Variants in CDH13 observed in about 807,000 individuals in gnomAD.
CDH13 encodes the protein cadherin-13.
CDH13 carries 24 observed loss-of-function variants against 63.8 expected under a neutral mutation model. The ratio of observed to expected loss-of-function variants is 0.38; its 90% confidence interval spans 0.27 to 0.53. The LOEUF is 0.53. Ranked by LOEUF, CDH13 falls within the 20% of genes least tolerant of loss-of-function variation. The pLI, the probability that CDH13 is intolerant of heterozygous loss-of-function variation, is 0.85. For missense variants in CDH13, 1,049 were observed against 903.1 expected, an observed-to-expected ratio of 1.16 and a Z score of -2.07; for synonymous variants, 503 against 355.3, an observed-to-expected ratio of 1.42 and a Z score of -4.67.
At chr16:83,472,829 C>G (rs1197860720) in intron 6 of CDH13, among the ~76,000 whole-genome samples, 2 of 152,172 alleles carry the variant, frequency 1.3e-5, no homozygotes, top group African/African-American at 2.4e-5. Context: ...GTGGCTGGCC[C>G]TGTTTCATTC....
chr16:83,383,455 A>G (rs2091610914), intron 6 of CDH13, among the ~76,000 whole-genome samples: 1 of 152,176 alleles, frequency 6.6e-6, no homozygotes, highest in Non-Finnish European at 1.5e-5. Context: ...CTCACCTGCC[A>G]GTTCTTAGCT....
chr16:83,737,801 A>C (rs938887180), intron 10 of CDH13, among the ~76,000 whole-genome samples: 1 of 152,222 alleles, frequency 6.6e-6, no homozygotes, highest in Non-Finnish European at 1.5e-5. Context: ...GGCTATTCAC[A>C]AGGCAAACAA....
intron 4 of CDH13, among the ~76,000 whole-genome samples, chr16:83,211,932 GA>G (rs1388946621): frequency 1.3e-5 from 2 of 152,124 alleles, no homozygotes. Flanking sequence ...ATCCCACTGT[GA>G]AAAGAAGTGT....
chr16:82,878,898 C>T (rs1043905298), intron 2 of CDH13, among the ~76,000 whole-genome samples: 4 of 152,090 alleles, frequency 2.6e-5, no homozygotes, highest in African/African-American at 7.2e-5. Context: ...AGGCAGCAGG[C>T]AGGCTTTTCA....
chr16:82,877,960 CAT>C (rs72497565), intron 2 of CDH13, among the ~76,000 whole-genome samples: 16 of 91,202 alleles, frequency 1.8e-4, no homozygotes, highest in Admixed American at 5.0e-4. Flanking sequence ...CACACACACA[CAT>C]ATACACACAC....
chr16:82,870,810 C>G (rs759928003), intron 2 of CDH13, among the ~76,000 whole-genome samples: 1 of 152,170 alleles, frequency 6.6e-6, no homozygotes. Flanking sequence ...AAATATTAAT[C>G]TATGTAAAGG....
In CDH13 at chr16:83,723,146, A is replaced by G. The variant is rs370399003; in HGVS notation, c.1539-24962A>G. On this transcript the variant is annotated intron_variant, in intron 10 of 13. Coordinates refer to ENST00000567109, the MANE Select transcript of CDH13 (RefSeq NM_001257.5). ...GATCAATCTTCCTGCCTGTCTTAGG[A>G]TGCTGATGTGAGAAGCACGATGACT... Among the ~76,000 whole-genome samples the G allele has an allele frequency of 2.4e-4, 37 of 152,376 alleles. No homozygotes were observed. In the South Asian group the frequency reaches 7.0e-3, roughly 29 times the overall value.
At position 82,801,212 on chromosome 16, in the gene CDH13, C is replaced by G. The variant is rs115519726; in HGVS notation, c.46-57150C>G. On this transcript the variant is annotated intron_variant, in intron 1 of 13. Transcript: ENST00000567109. ...GCCTTAGAAGGATGGCCACCAACACCTATGAGATTTACTCCTGAATCATTT... is the reference window on the plus strand; with the variant it reads ...GCCTTAGAAGGATGGCCACCAACACGTATGAGATTTACTCCTGAATCATTT... Among the ~76,000 whole-genome samples the G allele has an allele frequency of 4.6e-3, 697 of 152,312 alleles. 6 individuals carry two copies. Among genetic ancestry groups the G allele is most frequent in the African/African-American group, 0.016 (652 of 41,572 alleles).
At chr16:83,616,367 G>A (rs914004406) in intron 8 of CDH13, among the ~76,000 whole-genome samples, 1 of 152,154 alleles carries the variant, frequency 6.6e-6, no homozygotes, top group Admixed American at 6.5e-5. Flanking sequence ...TATTCGTGAT[G>A]TGTTGATCCC....
intron 1 of CDH13, among the ~76,000 whole-genome samples, chr16:82,710,576 T>TATATATAA (rs1491551033): frequency 9.8e-4 from 115 of 117,564 alleles, no homozygotes; most frequent in East Asian, 8.3e-3. Context: ...TATATATATA[T>TATATATAA]AAATATATTT....
chr16:83,057,190 C>G (rs1355333898), intron 3 of CDH13, among the ~76,000 whole-genome samples: 4 of 152,156 alleles, frequency 2.6e-5, no homozygotes, highest in Non-Finnish European at 5.9e-5. Context: ...TGGTCTTGAT[C>G]TCCTGACCTC....
At chr16:83,725,602 A>C (rs895117852) in intron 10 of CDH13, 1 of 152,296 alleles carries the variant, frequency 6.6e-6, no homozygotes, top group Non-Finnish European at 1.5e-5. Context: ...AGACAAAGGC[A>C]GTCGTTTCTC....
chr16:82,843,044 CT>C, intron 1 of CDH13, among the ~76,000 whole-genome samples: 1 of 152,326 alleles, frequency 6.6e-6, no homozygotes, highest in South Asian at 2.1e-4. Context: ...GGTCCGGTTC[CT>C]AAAAGGCTGC....
At chr16:82,936,001 G>C (rs941931317) in intron 2 of CDH13, among the ~76,000 whole-genome samples, 1 of 152,126 alleles carries the variant, frequency 6.6e-6, no homozygotes, top group Middle Eastern at 3.2e-3. Flanking sequence ...GGTTCTGTCA[G>C]GTATGATGTT....
chr16:83,294,806 C>G (rs953200075), intron 5 of CDH13, among the ~76,000 whole-genome samples: 1 of 152,010 alleles, frequency 6.6e-6, no homozygotes, highest in Non-Finnish European at 1.5e-5. Context: ...CCGTACTACC[C>G]AAAATGATCC....
At chr16:83,529,875 A>G (rs939656155) in intron 7 of CDH13, among the ~76,000 whole-genome samples, 2 of 152,228 alleles carry the variant, frequency 1.3e-5, no homozygotes, top group Admixed American at 1.3e-4. Flanking sequence ...TTATTTTCAT[A>G]TGTATTTGTA....
At chr16:82,801,423 G>A (rs1390204350) in intron 1 of CDH13, among the ~76,000 whole-genome samples, 2 of 152,164 alleles carry the variant, frequency 1.3e-5, no homozygotes, top group African/African-American at 2.4e-5. Context: ...ACTGTCTCTA[G>A]AACCAGCTAG....
At chr16:83,036,326 C>T (rs763036533) in intron 3 of CDH13, among the ~76,000 whole-genome samples, 3 of 151,608 alleles carry the variant, frequency 2.0e-5, no homozygotes, top group Non-Finnish European at 4.4e-5. Flanking sequence ...CTTTTTGTAT[C>T]TTTAGTAGAG....
At chr16:83,722,403 G>C (rs1202464820) in intron 10 of CDH13, among the ~76,000 whole-genome samples, 7 of 152,210 alleles carry the variant, frequency 4.6e-5, no homozygotes, top group Admixed American at 1.3e-4. Flanking sequence ...ATTCATAGCA[G>C]TTTGCAGGGG....
Sources: gnomAD v4.1 joint callset for allele counts (sites outside exome capture counted in the v4.1 genomes callset) on GRCh38, gnomAD v4.1.1 for gene constraint, MANE v1.5 for transcripts, NCBI Gene and HGNC (gene_info 2026-07-23, HGNC 2026-07-21) for gene names.